Variants in ERBIN observed in about 807,000 individuals in gnomAD.
The protein encoded by ERBIN is densin-180-like protein.
Under a neutral mutation model 158.4 loss-of-function variants are expected in ERBIN, and 60 were observed. That is an observed-to-expected ratio of 0.38 (90% CI 0.31 to 0.47). The LOEUF is 0.47. ERBIN is among the 20% of genes least tolerant of loss of function. The probability of loss-of-function intolerance (pLI) is 0.99; values close to 1 mark genes in which losing one functional copy is unlikely to be tolerated. For synonymous variants in ERBIN, 594 were observed against 557.2 expected (o/e 1.07, Z -0.93); for missense variants, 1,610 against 1,648.0 (o/e 0.98, Z 0.40).
At chr5:66,007,072 A>G (rs985618485) in intron 4 of ERBIN, among the ~76,000 whole-genome samples, 5 of 151,746 alleles carry the variant, frequency 3.3e-5, no homozygotes, top group South Asian at 2.1e-4. Flanking sequence ...TCATGCTGCT[A>G]TTAAGACACA....
chr5:65,946,374 G>T (rs181362258), intron 1 of ERBIN, among the ~76,000 whole-genome samples: 2 of 152,034 alleles, frequency 1.3e-5, no homozygotes, highest in Admixed American at 1.3e-4. Context: ...ATAAATGAAT[G>T]AATGAATGAA....
chr5:65,985,555 A>G (rs1751133159), intron 1 of ERBIN, among the ~76,000 whole-genome samples: 2 of 152,220 alleles, frequency 1.3e-5, no homozygotes, highest in African/African-American at 2.4e-5. Context: ...CCTCATGAGC[A>G]GCTTTTTAAA....
intron 13 of ERBIN, among the ~76,000 whole-genome samples, chr5:66,027,613 A>G (rs1322598010): frequency 6.6e-6 from 1 of 152,056 alleles, no homozygotes; most frequent in Non-Finnish European, 1.5e-5. Context: ...CATAGCATTT[A>G]TATTTTAATA....
At chr5:65,950,369 A>G (rs1746355135) in intron 1 of ERBIN, among the ~76,000 whole-genome samples, 1 of 152,164 alleles carries the variant, frequency 6.6e-6, no homozygotes, top group South Asian at 2.1e-4. Flanking sequence ...TTTGAAGAGT[A>G]CTGGTTGGAT....
chr5:65,963,923 C>G (rs1027020020), intron 1 of ERBIN, among the ~76,000 whole-genome samples: 8 of 151,850 alleles, frequency 5.3e-5, no homozygotes, highest in African/African-American at 1.9e-4. Flanking sequence ...CCTCAGCTTC[C>G]CGAGTAGCTG....
chr5:65,944,655 C>T (rs1745515746), intron 1 of ERBIN, among the ~76,000 whole-genome samples: 1 of 152,140 alleles, frequency 6.6e-6, no homozygotes, highest in Non-Finnish European at 1.5e-5. Context: ...TCCACCTTGG[C>T]CTCCCAGAGT....
intron 1 of ERBIN, among the ~76,000 whole-genome samples, chr5:65,971,251 T>C (rs1749213615): frequency 6.6e-6 from 1 of 151,970 alleles, no homozygotes; most frequent in Non-Finnish European, 1.5e-5. Context: ...GCTGGTTTTT[T>C]TTTTTTTCAG....
At chr5:66,061,714 C>A (rs1411272512) in intron 21 of ERBIN, among the ~76,000 whole-genome samples, 1 of 152,176 alleles carries the variant, frequency 6.6e-6, no homozygotes, top group Admixed American at 6.5e-5. Flanking sequence ...GTGCTTCCTT[C>A]AGGAGCTCTT....
chr5:65,966,757 A>G (rs1286418301), intron 1 of ERBIN, among the ~76,000 whole-genome samples: 1 of 151,734 alleles, frequency 6.6e-6, no homozygotes, highest in Non-Finnish European at 1.5e-5. Context: ...AGTATTCCAG[A>G]AGAAGGCATT....
intron 7 of ERBIN, among the ~76,000 whole-genome samples, chr5:66,016,072 G>C (rs1754682111): frequency 6.6e-6 from 1 of 152,176 alleles, no homozygotes. Context: ...TTATCTGTGA[G>C]GACAGAGACT....
intron 1 of ERBIN, among the ~76,000 whole-genome samples, chr5:65,985,618 T>TA (rs1234564621): frequency 5.3e-5 from 8 of 152,228 alleles, no homozygotes; most frequent in African/African-American, 9.6e-5. Flanking sequence ...AAATCCTACT[T>TA]ACGAAAATTA....
chr5:66,045,682 A>C (rs1034422663), intron 17 of ERBIN, among the ~76,000 whole-genome samples: 5 of 152,150 alleles, frequency 3.3e-5, no homozygotes, highest in Non-Finnish European at 7.4e-5. Flanking sequence ...TGAAGTCCAT[A>C]ATTACTATCA....
At chr5:66,052,614 T>C (rs1310753584) in intron 20 of ERBIN, among the ~76,000 whole-genome samples, 1 of 152,204 alleles carries the variant, frequency 6.6e-6, no homozygotes, top group Non-Finnish European at 1.5e-5. Context: ...GCTGTATTTC[T>C]AGTAATGAAA....
intron 22 of ERBIN, 99 bp from the exon 23 acceptor site, chr5:66,074,925 G>A: frequency 1.9e-6 from 2 of 1,032,782 alleles, no homozygotes; most frequent in Non-Finnish European, 2.9e-6. Context: ...ATTAGAATGT[G>A]AAAACTCTAG....
intron 7 of ERBIN, among the ~76,000 whole-genome samples, chr5:66,020,988 T>A (rs1409155816): frequency 3.3e-5 from 5 of 151,944 alleles, no homozygotes; most frequent in Non-Finnish European, 5.9e-5. Flanking sequence ...TGCCAACATT[T>A]ATTAGCTGAC....
chr5:65,988,232 G>A (rs763506309), intron 1 of ERBIN, among the ~76,000 whole-genome samples: 3 of 152,260 alleles, frequency 2.0e-5, no homozygotes, highest in South Asian at 2.1e-4. Context: ...AATTAGCTGC[G>A]TATGGTGGTA....
At chr5:65,972,490 ACC>A (rs1749377871) in intron 1 of ERBIN, among the ~76,000 whole-genome samples, 1 of 151,426 alleles carries the variant, frequency 6.6e-6, no homozygotes, top group Admixed American at 6.6e-5. Context: ...GGCACTAAGC[ACC>A]CCATAGTTTC....
At chr5:66,006,353 A>G (rs1320889577) in intron 4 of ERBIN, among the ~76,000 whole-genome samples, 1 of 152,240 alleles carries the variant, frequency 6.6e-6, no homozygotes, top group African/African-American at 2.4e-5. Flanking sequence ...TAGAAAGCTG[A>G]AACTGGATCC....
intron 21 of ERBIN, among the ~76,000 whole-genome samples, chr5:66,068,162 C>G (rs1257842664): frequency 2.0e-5 from 3 of 151,468 alleles, no homozygotes; most frequent in African/African-American, 4.9e-5. Context: ...GACCTCGTCT[C>G]TACAAAAATA....
Sources: gnomAD v4.1 joint callset for allele counts (sites outside exome capture counted in the v4.1 genomes callset) on GRCh38, gnomAD v4.1.1 for gene constraint, MANE v1.5 for transcripts, NCBI Gene and HGNC (gene_info 2026-07-23, HGNC 2026-07-21) for gene names.